The following ZGRF1 variants were observed in gnomAD, a reference collection of about 807,000 sequenced individuals.
The protein encoded by ZGRF1 is 5'-3' DNA helicase ZGRF1.
ZGRF1 carries 196 observed loss-of-function variants against 203.5 expected under a neutral mutation model. That is an observed-to-expected ratio of 0.96 (90% confidence interval 0.86 to 1.08). The LOEUF is 1.08. Ranked by LOEUF, ZGRF1 falls within the 50% of genes least tolerant of loss-of-function variation. The pLI is 0.00. For synonymous variants in ZGRF1, 809 were observed against 841.3 expected, an observed-to-expected ratio of 0.96 and a Z score of 0.66; for missense variants, 2,326 against 2,416.3, an observed-to-expected ratio of 0.96 and a Z score of 0.78.
intron 16 of ZGRF1, among the ~76,000 whole-genome samples, chr4:112,563,922 TAA>T (rs1282216212): frequency 6.6e-6 from 1 of 152,152 alleles, no homozygotes; most frequent in Non-Finnish European, 1.5e-5. Flanking sequence ...CATGCAGGAT[TAA>T]GTTATGCAGC....
intron 2 of ZGRF1, among the ~76,000 whole-genome samples, chr4:112,632,640 T>C (rs1315971660): frequency 6.6e-6 from 1 of 152,202 alleles, no homozygotes; most frequent in Non-Finnish European, 1.5e-5. Flanking sequence ...AAATCATAAA[T>C]ACTTTTTACA....
At position 112,582,278 on chromosome 4, in the gene ZGRF1, T is replaced by G. The variant is rs537987797; in HGVS notation, c.4299-476A>C. On this transcript the variant is annotated intron_variant, in intron 15 of 27. Coordinates refer to ENST00000505019, the MANE Select transcript of ZGRF1 (RefSeq NM_018392.5). Reference sequence around the variant, plus strand: ...AAATTATTGTTAACTATAATTTCCCTACTGTATTCCTTTTTTTTTTTTTTT... The same window carrying G: ...AAATTATTGTTAACTATAATTTCCCGACTGTATTCCTTTTTTTTTTTTTTT... 4.8e-5 allele frequency among the ~76,000 whole-genome samples: 7 copies of G among 145,450 alleles called. No individual in the cohort carries two copies. In the East Asian group the frequency reaches 1.5e-3, roughly 31 times the overall value.
intron 16 of ZGRF1, among the ~76,000 whole-genome samples, chr4:112,576,133 T>A (rs1745164445): frequency 6.6e-6 from 1 of 152,220 alleles, no homozygotes; most frequent in South Asian, 2.1e-4. Flanking sequence ...TATCCGCTGT[T>A]CTGCAGCCTC....
chr4:112,611,725 G>C (rs151169213), intron 7 of ZGRF1, among the ~76,000 whole-genome samples: 250 of 152,318 alleles, frequency 1.6e-3, no homozygotes, highest in Non-Finnish European at 2.1e-3. Flanking sequence ...CCTGACATCT[G>C]TCTGACACCT....
chr4:112,585,458 T>A lies in ZGRF1; in HGVS notation c.4101+83A>T. On this transcript the variant is annotated intron_variant, in intron 14 of 27. Coordinates refer to ENST00000505019, the MANE Select transcript of ZGRF1 (RefSeq NM_018392.5). ...AAGCTCTTAATCAAGACTCACTCTT[T>A]AAGCTTATCATGAAGTAATAGGTAT... 4 of 1,107,336 alleles carry A rather than the reference T, an allele frequency of 3.6e-6. No homozygotes were observed. The South Asian group carries it at 7.6e-5, about 21-fold the overall frequency. 68.6% of individuals were successfully genotyped at this position (1,107,336 alleles called of 1,614,324 possible). A position where few individuals can be genotyped will look rare whatever the true frequency, so the allele number is the denominator to read the frequency against.
Position 112,587,820 on chromosome 4 carries a change from G to A in ZGRF1, c.3237C>T (p.Asp1079=). The change falls in exon 12 of 28, where the codon GAC becomes GAT. Residue 1079 remains aspartate, a synonymous_variant. Transcript: ENST00000505019. ...ITLPRTDGPP[D]LDSHSYMINS... Reference sequence around the variant, plus strand: ...TGATCATATACGAATGAGAGTCTAAGTCAGGTGGCCCATCAGTACGTGGCA... The same window carrying A: ...TGATCATATACGAATGAGAGTCTAAATCAGGTGGCCCATCAGTACGTGGCA... The A allele has an allele frequency of 6.4e-7, 1 of 1,551,774 alleles. No individual in the cohort carries two copies. The highest frequency in any genetic ancestry group is 1.2e-5 in the South Asian group (1 of 84,116).
At chr4:112,555,364 G>A (rs1335168431) in intron 20 of ZGRF1, among the ~76,000 whole-genome samples, 1 of 152,132 alleles carries the variant, frequency 6.6e-6, no homozygotes, top group East Asian at 1.9e-4. Context: ...GCACTATGCT[G>A]GGAACACAGG....
rs1404040413 is a variant in ZGRF1, at chr4:112,548,254, T to A, written c.5473A>T (p.Arg1825Trp). 6.4e-7 allele frequency: 1 copy of A among 1,552,044 alleles called. No individual in the cohort carries two copies. The highest frequency in any genetic ancestry group is 2.4e-5 in the East Asian group (1 of 40,900). ...TGGGGAAAGAATCTTTTAGGTTACC[T>A]TGCAATGGGAAGGAGAGAGGCCGGT... ...TEPASLLPIARFECEKLILVG... is the reference protein window; with the variant it reads ...TEPASLLPIAWFECEKLILVG... The change falls in exon 23 of 28, where the codon AGG (arginine) becomes TGG (tryptophan). Residue 1825 changes from arginine to tryptophan, a missense_variant and splice_region_variant. Coordinates refer to ENST00000505019, the MANE Select transcript of ZGRF1 (RefSeq NM_018392.5).
intron 3 of ZGRF1, among the ~76,000 whole-genome samples, chr4:112,630,385 G>C (rs989061692): frequency 6.6e-6 from 1 of 152,002 alleles, no homozygotes; most frequent in East Asian, 1.9e-4. Flanking sequence ...GAGCATGGTT[G>C]CAAGTGCCTG....
chr4:112,595,482 C>T (rs1251562901), intron 10 of ZGRF1, among the ~76,000 whole-genome samples: 1 of 152,004 alleles, frequency 6.6e-6, no homozygotes, highest in Non-Finnish European at 1.5e-5. Context: ...CTTTGGAAGG[C>T]GAAGGCAAAA....
At chr4:112,576,942 T>C (rs1307548212) in intron 16 of ZGRF1, among the ~76,000 whole-genome samples, 1 of 151,392 alleles carries the variant, frequency 6.6e-6, no homozygotes, top group Non-Finnish European at 1.5e-5. Flanking sequence ...ACAAACATAC[T>C]CCTCAAGAAC....
intron 6 of ZGRF1, among the ~76,000 whole-genome samples, chr4:112,616,390 T>C (rs965004276): frequency 2.6e-5 from 4 of 151,360 alleles, no homozygotes; most frequent in African/African-American, 9.7e-5. Context: ...CTGGGCATGG[T>C]GGCGGGTGCC....
chr4:112,602,343 T>C (rs1750115357), intron 10 of ZGRF1, among the ~76,000 whole-genome samples: 1 of 152,102 alleles, frequency 6.6e-6, no homozygotes, highest in Non-Finnish European at 1.5e-5. Context: ...TACCAATATA[T>C]ACCCACCAGA....
Position 112,618,129 on chromosome 4 carries a change from T to A in ZGRF1, c.1913A>T (p.Tyr638Phe). Residue 638 changes from tyrosine (Y) to phenylalanine (F), a missense_variant, in exon 6 of 28, where the codon TAT becomes TTT. Tyr to Phe is a conservative substitution (Grantham distance 22). Coordinates refer to ENST00000505019, the MANE Select transcript of ZGRF1 (RefSeq NM_018392.5). ...TENTGKEIEE[Y>F]SDTLSNFESF... ...TTCAAAATTGCTTAATGTGTCACTA[T>A]ACTCCTCTATTTCTTTTCCTGTGTT... The A allele has an allele frequency of 6.2e-7, 1 of 1,613,930 alleles. No individual in the cohort carries two copies. The highest frequency in any genetic ancestry group is 8.5e-7 in the Non-Finnish European group (1 of 1,179,844).
At position 112,620,439 on chromosome 4, in the gene ZGRF1, C is replaced by T. The variant is rs1026462151; in HGVS notation, c.163-249G>A. On this transcript the variant is annotated intron_variant, in intron 4 of 27. Coordinates refer to ENST00000505019, the MANE Select transcript of ZGRF1 (RefSeq NM_018392.5). ...TTCAACAACACATATTAGAGCTAGG[C>T]GTGGTAGCTCACACCCGTAATCGCA... Among the ~76,000 whole-genome samples the T allele has an allele frequency of 6.6e-5, 10 of 152,278 alleles. 1 individual carries two copies. Among genetic ancestry groups the T allele is most frequent in the Middle Eastern group, 3.4e-3 (1 of 294 alleles).
At chr4:112,565,167 A>C in intron 16 of ZGRF1, 1 of 1,493,810 alleles carries the variant, frequency 6.7e-7, no homozygotes. Flanking sequence ...AGTCCACTGA[A>C]CTTCTGATTC....
chr4:112,635,677 T>A (rs372134966), intron 1 of ZGRF1, among the ~76,000 whole-genome samples: 2 of 150,338 alleles, frequency 1.3e-5, no homozygotes, highest in East Asian at 3.9e-4. Context: ...CGTGTGTAAT[T>A]ATATATATTT....
chr4:112,563,048 T>G, intron 17 of ZGRF1, 83 bp downstream of exon 17: 2 of 1,236,542 alleles, frequency 1.6e-6, no homozygotes, highest in Non-Finnish European at 2.2e-6. Flanking sequence ...GTTGGGTCCT[T>G]TTTGTTGGCT....
chr4:112,576,099 G>A (rs1745156291), intron 16 of ZGRF1, among the ~76,000 whole-genome samples: 1 of 152,178 alleles, frequency 6.6e-6, no homozygotes, highest in Admixed American at 6.5e-5. Context: ...GAACAATCAG[G>A]CAGCAACATT....
Sources: gnomAD v4.1 joint callset for allele counts (sites outside exome capture counted in the v4.1 genomes callset) on GRCh38, gnomAD v4.1.1 for gene constraint, MANE v1.5 for transcripts, NCBI Gene and HGNC (gene_info 2026-07-23, HGNC 2026-07-21) for gene names.